Variants in TTC27 observed in about 807,000 individuals in gnomAD.
TTC27 encodes tetratricopeptide repeat domain 27.
In TTC27, 79 loss-of-function variants were observed where a neutral mutation model predicts 115.9. The ratio of observed to expected loss-of-function variants is 0.68; its 90% CI spans 0.57 to 0.82. The LOEUF (loss-of-function observed/expected upper bound fraction) is 0.82. Among genes scored for constraint, TTC27 ranks in the 40% least tolerant of loss-of-function variants. TTC27 has a pLI of 0.00. For missense variants in TTC27, 1,054 were observed against 993.1 expected, an observed-to-expected ratio of 1.06 and a Z score of -0.82; for synonymous variants, 401 against 356.0, an observed-to-expected ratio of 1.13 and a Z score of -1.42.
rs114687385 is a variant in TTC27 at position 32,794,028 on chromosome 2, A to G, written c.1998+6879A>G. Among the ~76,000 whole-genome samples the G allele has an allele frequency of 4.9e-3, 749 of 152,272 alleles. 10 individuals are homozygous for G. Among genetic ancestry groups the G allele is most frequent in the African/African-American group, 0.017 (704 of 41,532 alleles). Reference sequence around the variant, plus strand: ...GGGGCACACCATTTATGAAGATGTAATTTTGTGACATCAACAACCAAAAGG... The same window carrying G: ...GGGGCACACCATTTATGAAGATGTAGTTTTGTGACATCAACAACCAAAAGG... On this transcript the variant is annotated intron_variant, in intron 16 of 19. Coordinates refer to ENST00000317907, the MANE Select transcript of TTC27 (RefSeq NM_017735.5).
intron 2 of TTC27, among the ~76,000 whole-genome samples, chr2:32,632,278 G>A (rs1033685520): frequency 1.2e-4 from 18 of 151,452 alleles, no homozygotes; most frequent in African/African-American, 4.4e-4. Flanking sequence ...CTAAGTGTGG[G>A]GATTATAGGC....
At chr2:32,705,427 A>G (rs1028043451) in intron 10 of TTC27, among the ~76,000 whole-genome samples, 15 of 152,220 alleles carry the variant, frequency 9.9e-5, no homozygotes, top group African/African-American at 3.4e-4. Flanking sequence ...CTGGTTTGTC[A>G]TCTAACTTTC....
chr2:32,800,724 T>A (rs1217574026), intron 16 of TTC27, among the ~76,000 whole-genome samples: 2 of 151,488 alleles, frequency 1.3e-5, no homozygotes, highest in Non-Finnish European at 2.9e-5. Flanking sequence ...GATCTCAAAC[T>A]CCTGACCTCA....
At chr2:32,646,775 G>A (rs1220608412) in intron 4 of TTC27, among the ~76,000 whole-genome samples, 1 of 150,964 alleles carries the variant, frequency 6.6e-6, no homozygotes, top group East Asian at 2.0e-4. Flanking sequence ...GTGTTGGCCA[G>A]GAAGGTCTTG....
intron 12 of TTC27, among the ~76,000 whole-genome samples, chr2:32,738,200 TG>T (rs1668509515): frequency 6.6e-6 from 1 of 152,218 alleles, no homozygotes; most frequent in African/African-American, 2.4e-5. Flanking sequence ...ATATAGCCTC[TG>T]GTCTCTGGCT....
Position 32,628,068 on chromosome 2 carries a change from C to G in TTC27, c.-225C>G, listed in dbSNP as rs1431309863. On this transcript the variant is annotated 5_prime_UTR_variant, in exon 1 of 20. Transcript: ENST00000317907. ...TCGGGTTCTTCTCCTAGGCGGAAGC[C>G]AGACCAGAGAGCGTGCGTGTTTTTC... 2 of 533,142 alleles carry G rather than the reference C, an allele frequency of 3.8e-6. No individual in the cohort carries two copies. Among genetic ancestry groups the G allele is most frequent in the African/African-American group, 2.0e-5 (1 of 50,186 alleles). 33.0% of individuals were successfully genotyped at this position (533,142 alleles called of 1,614,324 possible). A position where few individuals can be genotyped will look rare whatever the true frequency, so the allele number is the denominator to read the frequency against.
chr2:32,646,689 A>G lies in TTC27; in HGVS notation c.538-3442A>G, dbSNP rs547880154. On this transcript the variant is annotated intron_variant, in intron 4 of 19. Coordinates refer to ENST00000317907, the MANE Select transcript of TTC27 (RefSeq NM_017735.5). ...TGCCATTCTCCTGCCTCAGCCCCCC[A>G]AGTAGCTGGGACTACAGGCTCCCAC... Among the ~76,000 whole-genome samples, 12 of 143,324 alleles carry G rather than the reference A, an allele frequency of 8.4e-5. 1 individual carries two copies. In the East Asian group the frequency reaches 2.7e-3, roughly 32 times the overall value. The allele number at this position is 143,324 out of a possible 152,430, so 94.0% of individuals were successfully genotyped here.
chr2:32,687,503 G>T (rs1039184482), intron 9 of TTC27, among the ~76,000 whole-genome samples: 1 of 152,130 alleles, frequency 6.6e-6, no homozygotes, highest in African/African-American at 2.4e-5. Context: ...CCAAATAAAA[G>T]TCAAAGATTG....
chr2:32,760,064 G>C (rs1402727675), intron 13 of TTC27, among the ~76,000 whole-genome samples: 1 of 152,148 alleles, frequency 6.6e-6, no homozygotes, highest in Non-Finnish European at 1.5e-5. Context: ...TGGGTGTGCA[G>C]AAATTGTCAT....
chr2:32,676,223 A>G (rs1311791853), intron 8 of TTC27, among the ~76,000 whole-genome samples: 1 of 151,874 alleles, frequency 6.6e-6, no homozygotes, highest in Non-Finnish European at 1.5e-5. Flanking sequence ...AAATGCTGGA[A>G]CTTGCCCCAC....
At chr2:32,817,625 T>C in intron 19 of TTC27, 68 bp downstream of exon 19, 2 of 1,322,384 alleles carry the variant, frequency 1.5e-6, no homozygotes, top group Admixed American at 1.7e-5. Flanking sequence ...AGCTTATTGC[T>C]GTTAAATCTT....
At chr2:32,743,633 G>A (rs1668719345) in intron 12 of TTC27, among the ~76,000 whole-genome samples, 1 of 152,220 alleles carries the variant, frequency 6.6e-6, no homozygotes, top group South Asian at 2.1e-4. Context: ...ACACCATCAG[G>A]ATGGGGAACC....
Position 32,799,551 on chromosome 2 carries a change from G to C in TTC27, c.1999-11473G>C, listed in dbSNP as rs564963282. ...TAATCTCATAGAAAAATTAGGAATAGGGAATGGAAGTAGATACTGATAAAA... is the reference window on the plus strand; with the variant it reads ...TAATCTCATAGAAAAATTAGGAATACGGAATGGAAGTAGATACTGATAAAA... On this transcript the variant is annotated intron_variant, in intron 16 of 19. Coordinates refer to ENST00000317907, the MANE Select transcript of TTC27 (RefSeq NM_017735.5). 2.3e-3 allele frequency among the ~76,000 whole-genome samples: 353 copies of C among 152,236 alleles called. 1 individual carries two copies. The highest frequency in any genetic ancestry group is 8.3e-3 in the African/African-American group (343 of 41,548).
chr2:32,643,052 C>T (rs751469866), intron 4 of TTC27, among the ~76,000 whole-genome samples: 1 of 152,164 alleles, frequency 6.6e-6, no homozygotes, highest in Non-Finnish European at 1.5e-5. Flanking sequence ...TCACTGCAAT[C>T]TACGCCTCCC....
chr2:32,781,647 T>C (rs773128786), intron 14 of TTC27, among the ~76,000 whole-genome samples: 4 of 152,024 alleles, frequency 2.6e-5, no homozygotes, highest in Non-Finnish European at 4.4e-5. Flanking sequence ...AGCCTTGCTC[T>C]CTTGACCAGG....
chr2:32,786,856 A>C, intron 15 of TTC27, 128 bp from the exon 16 acceptor site: 1 of 832,676 alleles, frequency 1.2e-6, no homozygotes, highest in Non-Finnish European at 1.8e-6. Context: ...CTGGGTCTCT[A>C]ATTCTGTTTG....
chr2:32,685,820 T>C (rs948218939), intron 9 of TTC27, among the ~76,000 whole-genome samples: 1 of 152,222 alleles, frequency 6.6e-6, no homozygotes, highest in East Asian at 1.9e-4. Flanking sequence ...TCTGCTTTCT[T>C]CACTTGTCTT....
At chr2:32,709,987 G>A (rs1442965105) in intron 10 of TTC27, among the ~76,000 whole-genome samples, 3 of 152,174 alleles carry the variant, frequency 2.0e-5, no homozygotes, top group Admixed American at 2.0e-4. Context: ...TTAAGTGTCT[G>A]TTGTTGTTAA....
rs544330776 is a variant in TTC27 at position 32,801,839 on chromosome 2, G to A, written c.1999-9185G>A. Among the ~76,000 whole-genome samples, 6 of 152,292 alleles carry A rather than the reference G, an allele frequency of 3.9e-5. No individual in the cohort carries two copies. The South Asian group carries it at 1.2e-3, about 32-fold the overall frequency. On this transcript the variant is annotated intron_variant, in intron 16 of 19. Transcript: ENST00000317907. Reference sequence around the variant, plus strand: ...AGAGATTTGAACATCTGGAAGTGACGAAAGAGCTGATGAGACTAGGAAGGG... The same window carrying A: ...AGAGATTTGAACATCTGGAAGTGACAAAAGAGCTGATGAGACTAGGAAGGG...
Sources: allele counts gnomAD v4.1 joint callset (sites outside exome capture counted in the v4.1 genomes callset), GRCh38; gene constraint gnomAD v4.1.1; transcripts MANE v1.5; gene names NCBI Gene and HGNC (gene_info 2026-07-23, HGNC 2026-07-21).